The following ADAMTSL3 variants were observed in gnomAD, a reference collection of about 807,000 sequenced individuals.
ADAMTSL3 encodes ADAMTS-like protein 3.
Under a neutral mutation model 201.7 loss-of-function variants are expected in ADAMTSL3, and 128 were observed. The observed-to-expected ratio is 0.63, with a 90% confidence interval of 0.55 to 0.73. ADAMTSL3 has a LOEUF of 0.73. Among genes scored for constraint, ADAMTSL3 ranks in the 30% least tolerant of loss-of-function variants. ADAMTSL3 has a pLI of 0.00. For synonymous variants in ADAMTSL3, 738 were observed against 748.4 expected (o/e 0.99, Z 0.23); for missense variants, 1,990 against 2,119.6 (o/e 0.94, Z 1.20).
Position 84,037,913 on chromosome 15 carries a change from C to A in ADAMTSL3, c.*107C>A. On this transcript the variant is annotated 3_prime_UTR_variant, in exon 30 of 30. Transcript: ENST00000286744. The stretch of plus-strand genomic sequence containing the variant: ...CATGTATTTCTTAAAAGACTAGATT[C>A]TATGGATCAAACAGAGGTTGATGCA... 7.0e-7 allele frequency: 1 copy of A among 1,436,186 alleles called. No homozygotes were observed. Among genetic ancestry groups the A allele is most frequent in the East Asian group, 2.5e-5 (1 of 40,620 alleles). The allele number at this position is 1,436,186 out of a possible 1,614,324, so 89.0% of individuals were successfully genotyped here.
At chr15:83,813,903 C>T (rs1431698171) in intron 5 of ADAMTSL3, among the ~76,000 whole-genome samples, 1 of 152,140 alleles carries the variant, frequency 6.6e-6, no homozygotes, top group Non-Finnish European at 1.5e-5. Flanking sequence ...GGTCTAATAC[C>T]TGAATTCACT....
intron 19 of ADAMTSL3, among the ~76,000 whole-genome samples, chr15:83,947,568 CT>C: frequency 1.3e-5 from 2 of 152,342 alleles, no homozygotes; most frequent in Admixed American, 1.3e-4. Flanking sequence ...TGTGTCCCAC[CT>C]CTTGGCTGAA....
At chr15:83,768,537 C>T (rs186121942) in intron 3 of ADAMTSL3, among the ~76,000 whole-genome samples, 2 of 152,162 alleles carry the variant, frequency 1.3e-5, no homozygotes, top group African/African-American at 4.8e-5. Context: ...TTTCGATGTG[C>T]GCCAAGAGAG....
At chr15:83,719,052 C>A (rs574661190) in intron 3 of ADAMTSL3, among the ~76,000 whole-genome samples, 2 of 152,046 alleles carry the variant, frequency 1.3e-5, no homozygotes, top group Non-Finnish European at 2.9e-5. Flanking sequence ...ATATCAAAGC[C>A]AATAAAGTCG....
At chr15:83,862,899 G>C (rs1017686433) in intron 8 of ADAMTSL3, 20 of 152,080 alleles carry the variant, frequency 1.3e-4, no homozygotes, top group African/African-American at 3.9e-4. Context: ...GACACACATA[G>C]GCTCAAAATA....
At chr15:83,832,172 C>CT (rs1263348677) in intron 6 of ADAMTSL3, among the ~76,000 whole-genome samples, 3 of 152,032 alleles carry the variant, frequency 2.0e-5, no homozygotes, top group Admixed American at 6.6e-5. Flanking sequence ...GCAAAGGCAT[C>CT]TTTTTTTGCC....
chr15:83,866,944 A>G (rs1173681995), intron 8 of ADAMTSL3, among the ~76,000 whole-genome samples: 2 of 152,254 alleles, frequency 1.3e-5, no homozygotes, highest in Middle Eastern at 3.4e-3. Flanking sequence ...TTTCTGAACA[A>G]TCTCACAATT....
intron 15 of ADAMTSL3, among the ~76,000 whole-genome samples, chr15:83,906,261 C>T (rs1183758949): frequency 6.6e-6 from 1 of 152,048 alleles, no homozygotes; most frequent in Non-Finnish European, 1.5e-5. Flanking sequence ...TGTCTGTTTC[C>T]AACTTCCCCC....
At chr15:83,931,251 T>G (rs1233916508) in intron 17 of ADAMTSL3, among the ~76,000 whole-genome samples, 1 of 152,220 alleles carries the variant, frequency 6.6e-6, no homozygotes, top group Non-Finnish European at 1.5e-5. Flanking sequence ...AGTGATGTGT[T>G]TCTGTACCAG....
At chr15:83,657,608 A>G (rs2061106249) in intron 2 of ADAMTSL3, among the ~76,000 whole-genome samples, 1 of 152,252 alleles carries the variant, frequency 6.6e-6, no homozygotes, top group Non-Finnish European at 1.5e-5. Context: ...AAAGTGAAAA[A>G]CCAAACCAAA....
At chr15:83,664,985 G>A (rs553466324) in intron 2 of ADAMTSL3, among the ~76,000 whole-genome samples, 60 of 152,294 alleles carry the variant, frequency 3.9e-4, no homozygotes, top group African/African-American at 1.4e-3. Context: ...GAGTTCTGTG[G>A]TTGCTGATCA....
intron 3 of ADAMTSL3, among the ~76,000 whole-genome samples, chr15:83,734,565 G>A (rs1393062907): frequency 2.0e-5 from 3 of 152,194 alleles, no homozygotes; most frequent in Non-Finnish European, 4.4e-5. Context: ...CCCAGCACTT[G>A]TGTGCCTGCT....
chr15:83,887,783 A>G (rs1350034507), intron 10 of ADAMTSL3, among the ~76,000 whole-genome samples: 2 of 151,900 alleles, frequency 1.3e-5, no homozygotes, highest in African/African-American at 4.8e-5. Context: ...TAGAGATGGC[A>G]TCTCACTATG....
intron 3 of ADAMTSL3, among the ~76,000 whole-genome samples, chr15:83,715,334 A>G (rs566464345): frequency 6.6e-6 from 1 of 152,192 alleles, no homozygotes; most frequent in Non-Finnish European, 1.5e-5. Flanking sequence ...ATTATTTTGG[A>G]CAGGTTTCTG....
intron 19 of ADAMTSL3, chr15:83,962,639 A>AT (rs1204819698): frequency 2.6e-5 from 4 of 152,160 alleles, no homozygotes; most frequent in East Asian, 1.9e-4. Context: ...AGTTTGGGTG[A>AT]TTTTTTAAAA....
intron 5 of ADAMTSL3, among the ~76,000 whole-genome samples, chr15:83,810,089 C>T (rs2063669216): frequency 6.6e-6 from 1 of 152,158 alleles, no homozygotes; most frequent in South Asian, 2.1e-4. Context: ...CCACTGGTTC[C>T]AAACTTGAAT....
chr15:83,992,359 A>G (rs1287638461), intron 23 of ADAMTSL3, among the ~76,000 whole-genome samples: 1 of 152,188 alleles, frequency 6.6e-6, no homozygotes, highest in Non-Finnish European at 1.5e-5. Flanking sequence ...AAATCCCTGC[A>G]GTGTTTGGCC....
intron 6 of ADAMTSL3, among the ~76,000 whole-genome samples, chr15:83,836,114 A>G (rs1345345946): frequency 2.0e-5 from 3 of 152,252 alleles, no homozygotes; most frequent in Non-Finnish European, 4.4e-5. Context: ...TTAATATTGT[A>G]TTACTATCTT....
chr15:83,887,991 C>A (rs2065430489), intron 10 of ADAMTSL3, among the ~76,000 whole-genome samples: 1 of 152,200 alleles, frequency 6.6e-6, no homozygotes, highest in African/African-American at 2.4e-5. Flanking sequence ...ACACTTACTA[C>A]TCCAGAGGAG....
Sources: gnomAD v4.1 joint callset for allele counts (sites outside exome capture counted in the v4.1 genomes callset) on GRCh38, gnomAD v4.1.1 for gene constraint, MANE v1.5 for transcripts, NCBI Gene and HGNC (gene_info 2026-07-23, HGNC 2026-07-21) for gene names.